KCNMA1: variants seen among roughly 807,000 people sequenced by gnomAD.
The protein encoded by KCNMA1 is potassium calcium-activated channel subfamily M alpha 1.
Under a neutral mutation model 140.0 loss-of-function variants are expected in KCNMA1, and 29 were observed. The ratio of observed to expected loss-of-function variants is 0.21; its 90% CI spans 0.15 to 0.28. The LOEUF is 0.28. KCNMA1 is among the 10% of genes least tolerant of loss of function. KCNMA1 has a pLI of 1.00. For synonymous variants in KCNMA1, 612 were observed against 611.9 expected, an observed-to-expected ratio of 1.00 and a Z score of 0.00; for missense variants, 880 against 1,602.2, an observed-to-expected ratio of 0.55 and a Z score of 7.70.
At position 77,460,893 on chromosome 10, in the gene KCNMA1, G is replaced by A. The variant is rs1448657052; in HGVS notation, c.379-56870C>T. Among the ~76,000 whole-genome samples, 7 of 152,234 alleles carry A rather than the reference G, an allele frequency of 4.6e-5. No individual in the cohort carries two copies. In the East Asian group the frequency reaches 1.4e-3, roughly 29 times the overall value. On this transcript the variant is annotated intron_variant, in intron 1 of 27. Transcript: ENST00000286628. ...GGCCGAGGTGGGCGGATCACCTGAG[G>A]TCAAGAGTTCAAGACCAGCCTTGCC...
intron 1 of KCNMA1, among the ~76,000 whole-genome samples, chr10:77,608,927 AAG>A (rs34706289): frequency 2.0e-5 from 3 of 151,454 alleles, no homozygotes; most frequent in East Asian, 1.9e-4. Context: ...TAAGCAAAAA[AAG>A]AGAGAGAGAG....
At chr10:77,051,225 A>G (rs966322656) in intron 14 of KCNMA1, among the ~76,000 whole-genome samples, 21 of 152,200 alleles carry the variant, frequency 1.4e-4, no homozygotes, top group Admixed American at 1.2e-3. Context: ...CTGGGTACTT[A>G]TGTCTCCTAT....
Position 77,348,622 on chromosome 10 carries a change from A to C in KCNMA1, c.540+55240T>G, listed in dbSNP as rs141801468. ...CTGCTGGGATCCGTCTTGAAAGAAG[A>C]AGCTTTGTATATTTCTGCTCTTATT... is the stretch of plus-strand genomic sequence containing the variant. On this transcript the variant is annotated intron_variant, in intron 2 of 27. Coordinates refer to ENST00000286628, the MANE Select transcript of KCNMA1 (RefSeq NM_001161352.2). Among the ~76,000 whole-genome samples the C allele has an allele frequency of 7.9e-5, 12 of 152,340 alleles. No homozygotes were observed. In the East Asian group the frequency reaches 1.7e-3, roughly 22 times the overall value.
intron 2 of KCNMA1, among the ~76,000 whole-genome samples, chr10:77,366,345 C>T (rs35779): frequency 0.81 from 123,372 of 152,026 alleles, 50,251 homozygotes; most frequent in Middle Eastern, 0.88. Flanking sequence ...ATTTTTGTAT[C>T]TTTATTAGAG....
intron 23 of KCNMA1, among the ~76,000 whole-genome samples, chr10:76,917,258 A>C (rs1044034444): frequency 2.0e-5 from 3 of 152,208 alleles, no homozygotes; most frequent in Non-Finnish European, 2.9e-5. Flanking sequence ...GTAATGCTAT[A>C]TGCATAATAC....
chr10:77,179,316 G>A (rs1257241545), intron 5 of KCNMA1, among the ~76,000 whole-genome samples: 1 of 152,064 alleles, frequency 6.6e-6, no homozygotes, highest in Non-Finnish European at 1.5e-5. Flanking sequence ...CAATATCCGG[G>A]GTGTTCTTAA....
chr10:77,627,998 C>G (rs1417944984), intron 1 of KCNMA1, among the ~76,000 whole-genome samples: 1 of 152,126 alleles, frequency 6.6e-6, no homozygotes. Flanking sequence ...CCAGCAGAGG[C>G]CACTCTCGAT....
chr10:77,128,760 T>A (rs1291388743), intron 5 of KCNMA1, among the ~76,000 whole-genome samples: 1 of 152,170 alleles, frequency 6.6e-6, no homozygotes, highest in African/African-American at 2.4e-5. Flanking sequence ...GTTATTCATA[T>A]AAATAGGCCA....
intron 19 of KCNMA1, among the ~76,000 whole-genome samples, chr10:76,982,203 C>A (rs377668486): frequency 1.3e-5 from 2 of 151,740 alleles, no homozygotes; most frequent in East Asian, 3.9e-4. Context: ...GCATTAAATA[C>A]GAATATACGA....
intron 1 of KCNMA1, among the ~76,000 whole-genome samples, chr10:77,554,074 G>T (rs1019005706): frequency 3.3e-5 from 5 of 152,018 alleles, no homozygotes; most frequent in African/African-American, 1.2e-4. Context: ...AAGCCCACAG[G>T]GTTCCTCACT....
chr10:77,433,334 G>C (rs2097190659), intron 1 of KCNMA1, among the ~76,000 whole-genome samples: 1 of 152,072 alleles, frequency 6.6e-6, no homozygotes, highest in Admixed American at 6.5e-5. Context: ...TGTATTTTTA[G>C]TAGAGACAGG....
chr10:77,083,818 G>A (rs2096635385), intron 12 of KCNMA1, among the ~76,000 whole-genome samples: 1 of 145,446 alleles, frequency 6.9e-6, no homozygotes, highest in African/African-American at 2.6e-5. Flanking sequence ...CTGGGCGATA[G>A]TGCGAGACTC....
intron 3 of KCNMA1, among the ~76,000 whole-genome samples, chr10:77,197,491 T>C (rs1446365788): frequency 6.6e-6 from 1 of 152,192 alleles, no homozygotes; most frequent in Admixed American, 6.5e-5. Flanking sequence ...TCTTTTCCAA[T>C]GTCCTAGTCT....
intron 2 of KCNMA1, among the ~76,000 whole-genome samples, chr10:77,281,762 T>C (rs185150774): frequency 3.3e-4 from 51 of 152,354 alleles, no homozygotes; most frequent in Admixed American, 1.2e-3. Context: ...ACAATCATTA[T>C]GCTGCATACA....
chr10:77,130,047 G>A (rs962989276), intron 5 of KCNMA1, among the ~76,000 whole-genome samples: 1 of 151,786 alleles, frequency 6.6e-6, no homozygotes, highest in Non-Finnish European at 1.5e-5. Flanking sequence ...AATACAAAAC[G>A]AGATCTAAAG....
chr10:77,031,166 G>T (rs1379673184), intron 15 of KCNMA1, among the ~76,000 whole-genome samples: 4 of 152,230 alleles, frequency 2.6e-5, no homozygotes, highest in Non-Finnish European at 4.4e-5. Flanking sequence ...GAGAGGAAAT[G>T]AAGTGGCAGT....
At chr10:76,869,960 G>A (rs1378172343) in exon 28 of KCNMA1, 1 of 152,546 alleles carries the variant, frequency 6.6e-6, no homozygotes. Context: ...AGCAGAGAAA[G>A]GTTTCTTTTC....
At chr10:77,107,242 G>A (rs1596086477) in intron 9 of KCNMA1, among the ~76,000 whole-genome samples, 1 of 152,134 alleles carries the variant, frequency 6.6e-6, no homozygotes, top group Non-Finnish European at 1.5e-5. Context: ...GAAACAGAAC[G>A]AGAAGGGAAA....
chr10:76,929,193 C>T (rs1046100407), intron 23 of KCNMA1, among the ~76,000 whole-genome samples: 3 of 152,100 alleles, frequency 2.0e-5, no homozygotes, highest in African/African-American at 7.2e-5. Flanking sequence ...AAAGCCACCA[C>T]GAATTTATAA....
Sources: gnomAD v4.1 joint callset for allele counts (sites outside exome capture counted in the v4.1 genomes callset) on GRCh38, gnomAD v4.1.1 for gene constraint, MANE v1.5 for transcripts, NCBI Gene and HGNC (gene_info 2026-07-23, HGNC 2026-07-21) for gene names.